AP2S1: variants seen among roughly 807,000 people sequenced by gnomAD.
The protein encoded by AP2S1 is AP-2 complex subunit sigma.
In AP2S1, 6 loss-of-function variants were observed where a neutral mutation model predicts 21.0. The observed-to-expected ratio is 0.29, with a 90% CI of 0.16 to 0.56. The LOEUF (loss-of-function observed/expected upper bound fraction) is 0.56. Among genes scored for constraint, AP2S1 ranks in the 20% least tolerant of loss-of-function variants. The probability of loss-of-function intolerance (pLI) is 0.92; values close to 1 mark genes in which losing one functional copy is unlikely to be tolerated. For missense variants in AP2S1, 60 were observed against 186.2 expected (o/e 0.32, Z 3.95); for synonymous variants, 63 against 74.6 (o/e 0.84, Z 0.80).
At chr19:46,841,901 T>C (rs1029472383) in intron 2 of AP2S1, among the ~76,000 whole-genome samples, 3 of 152,086 alleles carry the variant, frequency 2.0e-5, no homozygotes, top group Non-Finnish European at 4.4e-5. Flanking sequence ...CAGACAGAGA[T>C]TGGACGACGG....
intron 3 of AP2S1, 25 bp downstream of exon 3, chr19:46,839,440 A>AAAAAACCCAAACC: frequency 1.4e-6 from 1 of 738,524 alleles, no homozygotes; most frequent in Non-Finnish European, 2.1e-6. Context: ...CCGCCTCCCC[A>AAAAAACCCAAACC]CCTTACATCC....
In AP2S1 at chr19:46,850,807, C is replaced by A; in HGVS notation, c.-41G>T. On this transcript the variant is annotated 5_prime_UTR_variant, in exon 1 of 5. Transcript: ENST00000263270. ...GACCCCAGCGGCCCCGGTCCCGCGG[C>A]GACTGGGCAGCTCCGGCTCAGGGTG... 6.5e-7 allele frequency: 1 copy of A among 1,543,148 alleles called. No homozygotes were observed. The highest frequency in any genetic ancestry group is 8.7e-7 in the Non-Finnish European group (1 of 1,144,574).
intron 2 of AP2S1, among the ~76,000 whole-genome samples, chr19:46,844,038 G>A (rs2055575002): frequency 6.6e-6 from 1 of 152,000 alleles, no homozygotes; most frequent in African/African-American, 2.4e-5. Context: ...AGCCTCCCGA[G>A]TAGCTGGGAC....
At position 46,846,138 on chromosome 19, in the gene AP2S1, C is replaced by T. The variant is rs752166167; in HGVS notation, c.8G>A (p.Arg3His). 1.9e-6 allele frequency: 3 copies of T among 1,614,032 alleles called. No individual in the cohort carries two copies. The highest frequency in any genetic ancestry group is 1.7e-5 in the Admixed American group (1 of 59,996). MI[R>H]FILIQNRAGK... ...TGCCCGGTTCTGGATGAGGATAAAGCGGATCTGGGGGCAGCAGGAGGAGAA... is the reference window on the plus strand; with the variant it reads ...TGCCCGGTTCTGGATGAGGATAAAGTGGATCTGGGGGCAGCAGGAGGAGAA... The change falls in exon 2 of 5, where the codon CGC becomes CAC. Residue 3 changes from arginine (R) to histidine (H), a missense_variant. Transcript: ENST00000263270.
At position 46,842,664 on chromosome 19, in the gene AP2S1, G is replaced by C. The variant is rs531776837; in HGVS notation, c.154-3086C>G. Among the ~76,000 whole-genome samples the C allele has an allele frequency of 1.1e-4, 17 of 152,168 alleles. 1 individual carries two copies. The highest frequency in any genetic ancestry group is 5.8e-4 in the East Asian group (3 of 5,176). Reference sequence around the variant, plus strand: ...CGCCCCAGCCCTCAGCACAGGACCAGCCACTACATTAGCAGCAAGGTGCCC... The same window carrying C: ...CGCCCCAGCCCTCAGCACAGGACCACCCACTACATTAGCAGCAAGGTGCCC... On this transcript the variant is annotated intron_variant, in intron 2 of 4. Transcript: ENST00000263270.
rs889136526 is a variant in AP2S1 at position 46,842,591 on chromosome 19, G to A, written c.154-3013C>T. Among the ~76,000 whole-genome samples the A allele has an allele frequency of 2.6e-4, 40 of 152,194 alleles. 1 individual carries two copies. The highest frequency in any genetic ancestry group is 6.8e-3 in the Middle Eastern group (2 of 294). On this transcript the variant is annotated intron_variant, in intron 2 of 4. Coordinates refer to ENST00000263270, the MANE Select transcript of AP2S1 (RefSeq NM_004069.6). ...CTGTAACATTCTCATTTGCCCAGCC[G>A]GACTTTCCGGCTGCCCCTGTATCAT...
chr19:46,846,142 T>C lies in AP2S1; in HGVS notation c.4A>G (p.Ile2Val). ...CGGTTCTGGATGAGGATAAAGCGGA[T>C]CTGGGGGCAGCAGGAGGAGAAGGAG... is the stretch of plus-strand genomic sequence containing the variant. Reference protein sequence around the residue: MIRFILIQNRAG... With the variant: MVRFILIQNRAG... The change falls in exon 2 of 5, where the codon ATC (isoleucine) becomes GTC (valine). Residue 2 changes from isoleucine to valine, a missense_variant and splice_region_variant. Coordinates refer to ENST00000263270, the MANE Select transcript of AP2S1 (RefSeq NM_004069.6). The C allele has an allele frequency of 6.2e-7, 1 of 1,613,912 alleles. No homozygotes were observed. The highest frequency in any genetic ancestry group is 8.5e-7 in the Non-Finnish European group (1 of 1,179,926).
chr19:46,846,986 T>TA (rs1245686710), intron 1 of AP2S1, among the ~76,000 whole-genome samples: 1 of 151,340 alleles, frequency 6.6e-6, no homozygotes, highest in South Asian at 2.1e-4. Flanking sequence ...TTTTAAAGGT[T>TA]AAAAAAAAAG....
chr19:46,841,319 C>T (rs1471527909), intron 2 of AP2S1, among the ~76,000 whole-genome samples: 1 of 152,212 alleles, frequency 6.6e-6, no homozygotes, highest in Admixed American at 6.6e-5. Flanking sequence ...CACTGATCAT[C>T]AGTGCTCCTC....
chr19:46,849,557 T>C (rs1219981460), intron 1 of AP2S1, among the ~76,000 whole-genome samples: 1 of 151,892 alleles, frequency 6.6e-6, no homozygotes, highest in East Asian at 1.9e-4. Flanking sequence ...ACCCACAGAG[T>C]TGACAAAAAG....
intron 2 of AP2S1, among the ~76,000 whole-genome samples, chr19:46,840,830 G>A (rs959341313): frequency 1.4e-5 from 2 of 147,886 alleles, no homozygotes; most frequent in African/African-American, 5.0e-5. Flanking sequence ...CGATTCTCCT[G>A]CCTCAGTCTC....
At chr19:46,849,123 A>G (rs1469905224) in intron 1 of AP2S1, among the ~76,000 whole-genome samples, 15 of 148,478 alleles carry the variant, frequency 1.0e-4, no homozygotes. Flanking sequence ...CTCCTGCCTC[A>G]GCCTCCCAAG....
intron 2 of AP2S1, among the ~76,000 whole-genome samples, chr19:46,841,356 T>A (rs2055517599): frequency 6.6e-6 from 1 of 152,216 alleles, no homozygotes. Context: ...CTTTTCTGGC[T>A]CTCACCCTCC....
At chr19:46,839,434 C>CCCCCCCCCCT in intron 3 of AP2S1, 31 bp downstream of exon 3, 1 of 1,508,196 alleles carries the variant, frequency 6.6e-7, no homozygotes, top group South Asian at 1.1e-5. Context: ...GCCCACCCGC[C>CCCCCCCCCCT]TCCCCACCTT....
At chr19:46,843,719 C>A (rs905495230) in intron 2 of AP2S1, among the ~76,000 whole-genome samples, 2 of 151,574 alleles carry the variant, frequency 1.3e-5, no homozygotes, top group Admixed American at 1.3e-4. Flanking sequence ...TGAGAACCCA[C>A]CTGAAAAGAA....
chr19:46,845,819 A>G, intron 2 of AP2S1, 174 bp downstream of exon 2: 1 of 781,624 alleles, frequency 1.3e-6, no homozygotes, highest in South Asian at 1.9e-5. Flanking sequence ...ATTTTTCACA[A>G]TGAAAAGTAC....
Position 46,850,810 on chromosome 19 carries a change from C to T in AP2S1, c.-44G>A. On this transcript the variant is annotated 5_prime_UTR_variant, in exon 1 of 5. Coordinates refer to ENST00000263270, the MANE Select transcript of AP2S1 (RefSeq NM_004069.6). The stretch of plus-strand genomic sequence containing the variant: ...CCCAGCGGCCCCGGTCCCGCGGCGA[C>T]TGGGCAGCTCCGGCTCAGGGTGCAG... 1 of 1,538,270 alleles carries T rather than the reference C, an allele frequency of 6.5e-7. No homozygotes were observed.
intron 2 of AP2S1, among the ~76,000 whole-genome samples, chr19:46,844,736 G>C (rs1304926943): frequency 6.6e-6 from 1 of 152,134 alleles, no homozygotes; most frequent in African/African-American, 2.4e-5. Flanking sequence ...GGAAGTCAAG[G>C]CTGCTGTGAG....
intron 2 of AP2S1, among the ~76,000 whole-genome samples, chr19:46,840,583 T>C (rs2122764427): frequency 6.6e-6 from 1 of 151,876 alleles, no homozygotes; most frequent in East Asian, 1.9e-4. Context: ...AAAGCTGCTG[T>C]GAGCCACGTT....
Sources: allele counts gnomAD v4.1 joint callset (sites outside exome capture counted in the v4.1 genomes callset), GRCh38; gene constraint gnomAD v4.1.1; transcripts MANE v1.5; gene names NCBI Gene and HGNC (gene_info 2026-07-23, HGNC 2026-07-21).